Variants in VCL observed in about 807,000 individuals in gnomAD.
The protein encoded by VCL is vinculin.
A neutral mutation model predicts 125.7 loss-of-function variants in VCL; 47 were observed. That is an observed-to-expected ratio of 0.37 (90% CI 0.30 to 0.48). The LOEUF (loss-of-function observed/expected upper bound fraction) is 0.48, where lower values mean the gene tolerates loss of function less well. Among genes scored for constraint, VCL ranks in the 20% least tolerant of loss-of-function variants. The probability of loss-of-function intolerance (pLI) is 0.99; values close to 1 mark genes in which losing one functional copy is unlikely to be tolerated. For synonymous variants in VCL, 458 were observed against 514.6 expected, an observed-to-expected ratio of 0.89 and a Z score of 1.49; for missense variants, 1,069 against 1,455.5, an observed-to-expected ratio of 0.73 and a Z score of 4.32.
intron 8 of VCL, among the ~76,000 whole-genome samples, chr10:74,088,929 G>A (rs551027726): frequency 6.6e-6 from 1 of 152,298 alleles, no homozygotes; most frequent in East Asian, 1.9e-4. Context: ...TCACTACCAA[G>A]AGGAGAATAA....
At chr10:74,060,482 A>C (rs1316074175) in intron 2 of VCL, among the ~76,000 whole-genome samples, 1 of 151,536 alleles carries the variant, frequency 6.6e-6, no homozygotes, top group Non-Finnish European at 1.5e-5. Context: ...ATGAAACCTC[A>C]TCTCTACGCA....
chr10:74,057,859 G>A (rs1193961069), intron 2 of VCL, among the ~76,000 whole-genome samples: 1 of 152,208 alleles, frequency 6.6e-6, no homozygotes, highest in Non-Finnish European at 1.5e-5. Flanking sequence ...CTTGAGCCCA[G>A]GAGGTCAAGG....
At chr10:74,064,389 T>C (rs1841531493) in intron 2 of VCL, among the ~76,000 whole-genome samples, 1 of 151,796 alleles carries the variant, frequency 6.6e-6, no homozygotes, top group Non-Finnish European at 1.5e-5. Context: ...CCACTAGTCA[T>C]CTTATTAGCA....
chr10:74,037,181 A>G (rs931803618), intron 1 of VCL, among the ~76,000 whole-genome samples: 2 of 152,000 alleles, frequency 1.3e-5, no homozygotes, highest in African/African-American at 4.8e-5. Context: ...TGATCTACCC[A>G]CTTACGCCTG....
chr10:74,026,689 G>A (rs2136237283), intron 1 of VCL, among the ~76,000 whole-genome samples: 1 of 152,278 alleles, frequency 6.6e-6, no homozygotes, highest in Non-Finnish European at 1.5e-5. Context: ...ATTTATCTCT[G>A]AGAGAGATGT....
At chr10:74,083,654 T>A in intron 8 of VCL, 141 bp downstream of exon 8, 1 of 1,039,550 alleles carries the variant, frequency 9.6e-7, no homozygotes, top group Non-Finnish European at 1.4e-6. Flanking sequence ...TAAATTCTTT[T>A]GAGATGGAGG....
chr10:74,097,494 C>T lies in VCL; in HGVS notation c.1872+162C>T, dbSNP rs1346762033. Among the ~76,000 whole-genome samples the T allele has an allele frequency of 1.3e-5, 2 of 152,166 alleles. No individual in the cohort carries two copies. Among genetic ancestry groups the T allele is most frequent in the Non-Finnish European group, 2.9e-5 (2 of 68,034 alleles). ...GCCCTACCACCTCTACTTTTAGTCT[C>T]CACGTATATCAGTGAGGAATATCTT... On this transcript the variant is annotated intron_variant, in intron 13 of 21. Transcript: ENST00000211998. The surrounding 1 kb of genome is among the most constrained non-coding windows in gnomAD (Gnocchi z 4.1).
At chr10:74,084,351 G>A (rs1312548423) in intron 8 of VCL, among the ~76,000 whole-genome samples, 2 of 152,008 alleles carry the variant, frequency 1.3e-5, no homozygotes, top group Non-Finnish European at 2.9e-5. Context: ...GCATGCAGTG[G>A]TGCAATCTCG....
At chr10:74,025,810 A>G (rs1314190107) in intron 1 of VCL, among the ~76,000 whole-genome samples, 2 of 152,134 alleles carry the variant, frequency 1.3e-5, no homozygotes, top group Non-Finnish European at 2.9e-5. Context: ...TATCTTGGGT[A>G]ATACCCGAGG....
chr10:74,045,897 T>A (rs185052561), intron 2 of VCL, among the ~76,000 whole-genome samples: 2 of 152,312 alleles, frequency 1.3e-5, no homozygotes, highest in Admixed American at 1.3e-4. Context: ...ATGTTTATTT[T>A]CTCTATGTAT....
chr10:74,084,156 T>C (rs561958002), intron 8 of VCL, among the ~76,000 whole-genome samples: 1 of 152,268 alleles, frequency 6.6e-6, no homozygotes, highest in East Asian at 1.9e-4. Context: ...TGAGCCACTG[T>C]GCCCGGCCAC....
chr10:74,086,587 T>C (rs532599500), intron 8 of VCL, among the ~76,000 whole-genome samples: 110 of 152,370 alleles, frequency 7.2e-4, no homozygotes, highest in Non-Finnish European at 1.2e-3. Context: ...CTTTTCCCAG[T>C]GTGGTAGCCA....
At chr10:74,011,224 A>T (rs139692518) in intron 1 of VCL, among the ~76,000 whole-genome samples, 58 of 151,870 alleles carry the variant, frequency 3.8e-4, no homozygotes, top group Non-Finnish European at 6.9e-4. Context: ...GATTAAATTA[A>T]GTATGTGCAT....
At chr10:74,116,327 A>T (rs1840309831) in intron 21 of VCL, among the ~76,000 whole-genome samples, 1 of 152,082 alleles carries the variant, frequency 6.6e-6, no homozygotes, top group South Asian at 2.1e-4. Context: ...CTTCACACCT[A>T]ACTTCCACAT....
chr10:74,077,967 T>G (rs1009711937), intron 6 of VCL, among the ~76,000 whole-genome samples: 4 of 152,290 alleles, frequency 2.6e-5, no homozygotes, highest in Non-Finnish European at 4.4e-5. Flanking sequence ...TCATTAAAAA[T>G]TAGGTTAGCA....
At chr10:74,017,337 G>A (rs145980369) in intron 1 of VCL, among the ~76,000 whole-genome samples, 3,878 of 152,046 alleles carry the variant, frequency 0.026, 171 homozygotes, top group African/African-American at 0.088. Context: ...GTGAGCCACC[G>A]CGCCCGGCCT....
At position 74,111,989 on chromosome 10, in the gene VCL, C is replaced by T. The variant is rs1339171857; in HGVS notation, c.2826C>T (p.Pro942=). ...CCGATGCTGCTGGCTTCCCTGTCCC[C>T]CCTGACATGGAAGACGATTACGAAC... ...DAADAAGFPV[P]PDMEDDYEPE... Residue 942 remains proline, a synonymous_variant, in exon 19 of 22, where the codon CCC becomes CCT. Coordinates refer to ENST00000211998, the MANE Select transcript of VCL (RefSeq NM_014000.3). 6.2e-7 allele frequency: 1 copy of T among 1,614,202 alleles called. No homozygotes were observed. The highest frequency in any genetic ancestry group is 8.5e-7 in the Non-Finnish European group (1 of 1,180,034).
chr10:74,114,434 T>TGCGC (rs60917222), intron 20 of VCL, 47 bp downstream of exon 20: 2 of 1,468,254 alleles, frequency 1.4e-6, no homozygotes, highest in Non-Finnish European at 1.9e-6. Flanking sequence ...TGTGTGTGTG[T>TGCGC]GTGCGTGTGT....
At chr10:74,090,228 C>CA in intron 10 of VCL, 30 bp downstream of exon 10, 1 of 1,611,658 alleles carries the variant, frequency 6.2e-7, no homozygotes, top group South Asian at 1.1e-5. Context: ...ATTGCCTTTT[C>CA]ATATCTTTTC....
Sources: gnomAD v4.1 joint callset for allele counts (sites outside exome capture counted in the v4.1 genomes callset) on GRCh38, gnomAD v4.1.1 for gene constraint, Gnocchi (gnomAD v3.1) non-coding constraint, MANE v1.5 for transcripts, NCBI Gene and HGNC (gene_info 2026-07-23, HGNC 2026-07-21) for gene names.